Variants in ATP10B observed in about 807,000 individuals in gnomAD.
ATP10B encodes phospholipid-transporting ATPase VB.
In ATP10B, 122 loss-of-function variants were observed where a neutral mutation model predicts 141.2. That is an observed-to-expected ratio of 0.86 (90% CI 0.75 to 1.00). The LOEUF is 1.00. ATP10B is among the 50% of genes least tolerant of loss of function. The probability of loss-of-function intolerance (pLI) is 0.00; values close to 1 mark genes in which losing one functional copy is unlikely to be tolerated. For missense variants in ATP10B, 1,876 were observed against 1,825.3 expected (o/e 1.03, Z -0.51); for synonymous variants, 685 against 692.0 (o/e 0.99, Z 0.16).
At chr5:160,806,067 G>A (rs944191389) in intron 1 of ATP10B, among the ~76,000 whole-genome samples, 9 of 152,126 alleles carry the variant, frequency 5.9e-5, no homozygotes, top group African/African-American at 2.2e-4. Flanking sequence ...CCACTTTTGT[G>A]TTCTCTTTTG....
intron 24 of ATP10B, among the ~76,000 whole-genome samples, chr5:160,571,667 T>C (rs773379798): frequency 7.2e-5 from 11 of 152,178 alleles, no homozygotes; most frequent in Non-Finnish European, 1.5e-4. Context: ...AAAAGAATTG[T>C]GTACATCTGC....
chr5:160,590,445 C>T (rs1214708874), intron 23 of ATP10B, among the ~76,000 whole-genome samples: 1 of 152,172 alleles, frequency 6.6e-6, no homozygotes, highest in Non-Finnish European at 1.5e-5. Flanking sequence ...GCTTCCCATC[C>T]TGTTCCGTGT....
chr5:160,876,555 T>C, the ATP10B span, among the ~76,000 whole-genome samples: 2 of 146,332 alleles, frequency 1.4e-5, no homozygotes. Flanking sequence ...CTGAAGGAAA[T>C]AGAGACACAC....
chr5:160,720,304 A>G (rs1261597864), intron 2 of ATP10B, among the ~76,000 whole-genome samples: 1 of 152,260 alleles, frequency 6.6e-6, no homozygotes, highest in African/African-American at 2.4e-5. Context: ...ATTTATTAGA[A>G]AGCAAAAATG....
At chr5:160,760,384 A>AAT in intron 2 of ATP10B, among the ~76,000 whole-genome samples, 1 of 152,288 alleles carries the variant, frequency 6.6e-6, no homozygotes, top group South Asian at 2.1e-4. Flanking sequence ...AATACTCATG[A>AAT]ATAAAAGGCA....
rs973911124 is a variant in ATP10B, at chr5:160,632,451, G to T, written c.1382-84C>A. 4 of 1,322,064 alleles carry T rather than the reference G, an allele frequency of 3.0e-6. No homozygotes were observed. The South Asian group carries it at 5.1e-5, about 17-fold the overall frequency. The allele number at this position is 1,322,064 out of a possible 1,614,324, so 81.9% of individuals were successfully genotyped here. A position where few individuals can be genotyped will look rare whatever the true frequency, so the allele number is the denominator to read the frequency against. On this transcript the variant is annotated intron_variant, in intron 12 of 25. Transcript: ENST00000327245. ...AAAACCTAGACTTTGTGTGGGGGGTGGTAAGAGCATGGGAAGGGCCTATGC... is the reference window on the plus strand; with the variant it reads ...AAAACCTAGACTTTGTGTGGGGGGTTGTAAGAGCATGGGAAGGGCCTATGC...
At chr5:160,905,117 T>C in the ATP10B span, among the ~76,000 whole-genome samples, 4 of 152,238 alleles carry the variant, frequency 2.6e-5, no homozygotes, top group Admixed American at 6.5e-5. Context: ...ATTTACATAC[T>C]ACTGTATTGT....
intron 2 of ATP10B, among the ~76,000 whole-genome samples, chr5:160,777,772 T>C (rs916969369): frequency 4.6e-5 from 7 of 152,196 alleles, no homozygotes; most frequent in African/African-American, 1.7e-4. Flanking sequence ...TGCAGCATTG[T>C]ATATAAAAGG....
chr5:160,811,021 C>T (rs908174849), intron 1 of ATP10B, among the ~76,000 whole-genome samples: 2 of 152,148 alleles, frequency 1.3e-5, no homozygotes, highest in Non-Finnish European at 2.9e-5. Flanking sequence ...TTTTGAGTCC[C>T]GCTTTGCAGG....
chr5:160,834,232 T>G (rs893422185), intron 1 of ATP10B, among the ~76,000 whole-genome samples: 15 of 151,910 alleles, frequency 9.9e-5, no homozygotes, highest in South Asian at 4.2e-4. Flanking sequence ...GGCTGAGGCA[T>G]GAGAATCGCT....
At chr5:160,706,553 G>C (rs900978957) in intron 3 of ATP10B, among the ~76,000 whole-genome samples, 4 of 152,190 alleles carry the variant, frequency 2.6e-5, no homozygotes, top group Admixed American at 2.6e-4. Flanking sequence ...ACGTGAGCCA[G>C]AATTCCACTT....
the ATP10B span, among the ~76,000 whole-genome samples, chr5:160,865,965 G>T: frequency 6.6e-6 from 1 of 152,120 alleles, no homozygotes; most frequent in East Asian, 1.9e-4. Context: ...ACCGATGGTG[G>T]GAACGTAAGC....
Position 160,695,489 on chromosome 5 carries a change from A to AGTGT in ATP10B, c.-204-6550_-204-6547dup, listed in dbSNP as rs59946073. Among the ~76,000 whole-genome samples, 266 of 148,898 alleles carry AGTGT rather than the reference A, an allele frequency of 1.8e-3. 1 individual carries two copies. The highest frequency in any genetic ancestry group is 2.5e-3 in the Non-Finnish European group (168 of 67,120). ...TACTGTGTGTATATATGCGTGAGTG[A>AGTGT]GTGTGTGTGTGTGTGTGTGTGTGTG... On this transcript the variant is annotated intron_variant, in intron 3 of 25. Coordinates refer to ENST00000327245, the MANE Select transcript of ATP10B (RefSeq NM_025153.3).
chr5:160,728,100 C>CT (rs55998115), intron 2 of ATP10B, among the ~76,000 whole-genome samples: 115,697 of 145,786 alleles, frequency 0.79, 44,516 homozygotes, highest in African/African-American at 0.84. Flanking sequence ...TCTTCCTTTA[C>CT]TTTTTTTTTC....
intron 7 of ATP10B, among the ~76,000 whole-genome samples, chr5:160,659,306 A>C (rs947148790): frequency 5.9e-5 from 9 of 152,132 alleles, no homozygotes; most frequent in African/African-American, 2.2e-4. Context: ...TCTACTAAAA[A>C]TACAAAAAAT....
At chr5:160,690,996 CA>C (rs767535028) in intron 3 of ATP10B, among the ~76,000 whole-genome samples, 124 of 152,188 alleles carry the variant, frequency 8.1e-4, no homozygotes, top group Non-Finnish European at 1.5e-3. Flanking sequence ...GAAAATGTGG[CA>C]CATACATAGC....
intron 25 of ATP10B, among the ~76,000 whole-genome samples, chr5:160,568,763 T>A (rs557445676): frequency 9.2e-4 from 140 of 152,280 alleles, no homozygotes; most frequent in Non-Finnish European, 1.7e-3. Flanking sequence ...AGAGGCTAGA[T>A]GGGAGAGCCT....
the ATP10B span, among the ~76,000 whole-genome samples, chr5:160,866,209 T>C: frequency 6.6e-6 from 1 of 152,120 alleles, no homozygotes; most frequent in African/African-American, 2.4e-5. Flanking sequence ...TATATATACA[T>C]CATGGAATAC....
intron 2 of ATP10B, among the ~76,000 whole-genome samples, chr5:160,772,400 C>T (rs771024019): frequency 5.3e-5 from 8 of 152,240 alleles, no homozygotes; most frequent in Non-Finnish European, 8.8e-5. Context: ...AGGAAGCCAA[C>T]GGGAGGTGGT....
Sources: gnomAD v4.1 joint callset for allele counts (sites outside exome capture counted in the v4.1 genomes callset) on GRCh38, gnomAD v4.1.1 for gene constraint, MANE v1.5 for transcripts, NCBI Gene and HGNC (gene_info 2026-07-23, HGNC 2026-07-21) for gene names.